Variants in FGF12 observed in about 807,000 individuals in gnomAD.
FGF12 encodes fibroblast growth factor 12.
Under a neutral mutation model 23.6 loss-of-function variants are expected in FGF12, and 14 were observed. The observed-to-expected ratio is 0.59, with a 90% CI of 0.39 to 0.93. The LOEUF (loss-of-function observed/expected upper bound fraction) is 0.93. Among genes scored for constraint, FGF12 ranks in the 40% least tolerant of loss-of-function variants. FGF12 has a pLI of 0.00. For missense variants in FGF12, 175 were observed against 217.8 expected, an observed-to-expected ratio of 0.80 and a Z score of 1.24; for synonymous variants, 62 against 77.3, an observed-to-expected ratio of 0.80 and a Z score of 1.04.
At chr3:192,389,990 C>A (rs1220084322) in intron 2 of FGF12, among the ~76,000 whole-genome samples, 1 of 152,232 alleles carries the variant, frequency 6.6e-6, no homozygotes, top group Admixed American at 6.5e-5. Context: ...GTCCTGTAGG[C>A]TGACTCATAG....
At chr3:192,279,291 G>T (rs1255449490) in intron 4 of FGF12, among the ~76,000 whole-genome samples, 1 of 146,472 alleles carries the variant, frequency 6.8e-6, no homozygotes, top group Non-Finnish European at 1.5e-5. Flanking sequence ...ATTTAACCTA[G>T]ACAGCCACTC....
chr3:192,360,974 A>C lies in FGF12; in HGVS notation c.14-436T>G, dbSNP rs2280674. ...TATCTCTGCAGGATGTCAGCTCTCC[A>C]TCAGAAGTTCCTGGGTTTTGAATTT... On this transcript the variant is annotated intron_variant, in intron 2 of 5. Coordinates refer to ENST00000445105, the MANE Select transcript of FGF12 (RefSeq NM_004113.6). The surrounding 1 kb of genome is among the most constrained non-coding windows in gnomAD (Gnocchi z 4.3). Among the ~76,000 whole-genome samples, 40,925 of 151,772 alleles carry C rather than the reference A, an allele frequency of 0.27. 6,574 individuals are homozygous for C. The highest frequency in any genetic ancestry group is 0.62 in the East Asian group (3,168 of 5,128).
At chr3:192,305,949 C>T (rs1371613926) in intron 4 of FGF12, among the ~76,000 whole-genome samples, 1 of 148,370 alleles carries the variant, frequency 6.7e-6, no homozygotes, top group Non-Finnish European at 1.5e-5. Flanking sequence ...CAAGCTCCAC[C>T]TCCCAGGTTC....
intron 2 of FGF12, among the ~76,000 whole-genome samples, chr3:192,637,275 G>T (rs980381054): frequency 6.6e-6 from 1 of 152,106 alleles, no homozygotes; most frequent in Admixed American, 6.5e-5. Flanking sequence ...GGCCACCGAC[G>T]TGCAGGCCGC....
chr3:192,290,026 C>G (rs995092722), intron 4 of FGF12, among the ~76,000 whole-genome samples: 7 of 152,156 alleles, frequency 4.6e-5, no homozygotes, highest in African/African-American at 1.7e-4. Flanking sequence ...GGAGTTAGAC[C>G]CAACTAATAT....
At chr3:192,152,474 C>T (rs1714113322) in intron 5 of FGF12, among the ~76,000 whole-genome samples, 1 of 149,388 alleles carries the variant, frequency 6.7e-6, no homozygotes, top group Non-Finnish European at 1.5e-5. Flanking sequence ...TCCCTCTACA[C>T]ACTGCTTTGA....
intron 2 of FGF12, among the ~76,000 whole-genome samples, chr3:192,525,444 CAG>C (rs1466678195): frequency 2.0e-5 from 3 of 152,184 alleles, no homozygotes; most frequent in Non-Finnish European, 4.4e-5. Flanking sequence ...TATCTCCAAT[CAG>C]AGAGTATTAC....
At chr3:192,556,929 A>G (rs1711804707) in intron 2 of FGF12, among the ~76,000 whole-genome samples, 1 of 152,130 alleles carries the variant, frequency 6.6e-6, no homozygotes, top group South Asian at 2.1e-4. Context: ...TGGAAACTAA[A>G]CAACACACCC....
At chr3:192,156,218 A>C (rs1714407223) in intron 5 of FGF12, among the ~76,000 whole-genome samples, 1 of 152,186 alleles carries the variant, frequency 6.6e-6, no homozygotes. Context: ...ACAAAGAAAC[A>C]GAAACTCCCT....
chr3:192,542,912 C>T (rs1725406692), intron 2 of FGF12, among the ~76,000 whole-genome samples: 1 of 152,142 alleles, frequency 6.6e-6, no homozygotes, highest in East Asian at 1.9e-4. Context: ...GACACAAATA[C>T]TCCTGTTGTC....
intron 2 of FGF12, among the ~76,000 whole-genome samples, chr3:192,410,055 G>T (rs1215907858): frequency 6.6e-6 from 1 of 151,772 alleles, no homozygotes; most frequent in African/African-American, 2.4e-5. Flanking sequence ...CGGGGCCCGG[G>T]CGAGAGCCAC....
chr3:192,646,933 A>C (rs888141176), intron 2 of FGF12, among the ~76,000 whole-genome samples: 3 of 152,136 alleles, frequency 2.0e-5, no homozygotes, highest in Non-Finnish European at 2.9e-5. Context: ...GTTAGTGTCA[A>C]TATATGACAC....
intron 2 of FGF12, among the ~76,000 whole-genome samples, chr3:192,502,515 T>C (rs1724160714): frequency 6.6e-6 from 1 of 152,210 alleles, no homozygotes; most frequent in Admixed American, 6.5e-5. Flanking sequence ...GTGTTTCTCA[T>C]CCAGTGTTTA....
intron 2 of FGF12, among the ~76,000 whole-genome samples, chr3:192,719,104 T>G (rs1391252386): frequency 6.6e-6 from 1 of 152,164 alleles, no homozygotes; most frequent in African/African-American, 2.4e-5. Flanking sequence ...ATAATCTAAG[T>G]AGTCTGTTAG....
rs376355080 is a variant in FGF12 at position 192,727,149 on chromosome 3, C to T, written c.13+32G>A. On this transcript the variant is annotated intron_variant, in intron 2 of 5. Coordinates refer to ENST00000445105, the MANE Select transcript of FGF12 (RefSeq NM_004113.6). ...TTGCCTTGGCCACACGCACATGCAG[C>T]GGGAAGTCCCCCGATAGGGACAACC... 12 of 1,569,232 alleles carry T rather than the reference C, an allele frequency of 7.6e-6. No homozygotes were observed. In the Admixed American group the frequency reaches 1.7e-4, roughly 22 times the overall value.
chr3:192,405,168 G>A lies in FGF12; in HGVS notation c.14-44630C>T, dbSNP rs111612645. ...TTTTGCTGCACAAAAAGGATCCAATGTGCACCCTGGCCCTGAAACTGTGTG... is the reference window on the plus strand; with the variant it reads ...TTTTGCTGCACAAAAAGGATCCAATATGCACCCTGGCCCTGAAACTGTGTG... On this transcript the variant is annotated intron_variant, in intron 2 of 5. Coordinates refer to ENST00000445105, the MANE Select transcript of FGF12 (RefSeq NM_004113.6). Among the ~76,000 whole-genome samples, 553 of 151,120 alleles carry A rather than the reference G, an allele frequency of 3.7e-3. 40 individuals are homozygous for A. The highest frequency in any genetic ancestry group is 0.013 in the African/African-American group (531 of 40,464).
At chr3:192,270,435 C>T (rs1713361074) in intron 4 of FGF12, among the ~76,000 whole-genome samples, 1 of 151,978 alleles carries the variant, frequency 6.6e-6, no homozygotes. Flanking sequence ...TATTACTGGG[C>T]AAAGTGAACT....
chr3:192,307,306 A>T (rs905124552), intron 4 of FGF12, among the ~76,000 whole-genome samples: 3 of 152,202 alleles, frequency 2.0e-5, no homozygotes, highest in Non-Finnish European at 4.4e-5. Flanking sequence ...ATGCCAGATA[A>T]AAAAGGCACA....
In FGF12 at chr3:192,158,394, TC is replaced by T. The variant is rs1194932538; in HGVS notation, c.427+12063del. On this transcript the variant is annotated intron_variant, in intron 5 of 5. Transcript: ENST00000445105. Reference sequence around the variant, plus strand: ...TCTTTCTTTCTTTCTTTTCTTTCTCTCTCTTTCTTTTTCTTTCTTTCTCTTT... The same window carrying T: ...TCTTTCTTTCTTTCTTTTCTTTCTCTTCTTTCTTTTTCTTTCTTTCTCTTT... Among the ~76,000 whole-genome samples the T allele has an allele frequency of 2.9e-3, 233 of 80,464 alleles. 4 individuals are homozygous for T. The highest frequency in any genetic ancestry group is 0.019 in the African/African-American group (229 of 12,178). The allele number at this position is 80,464 out of a possible 152,430, so 52.8% of individuals were successfully genotyped here.
Sources: allele counts gnomAD v4.1 joint callset (sites outside exome capture counted in the v4.1 genomes callset), GRCh38; gene constraint gnomAD v4.1.1; non-coding constraint Gnocchi (gnomAD v3.1); transcripts MANE v1.5; gene names NCBI Gene and HGNC (gene_info 2026-07-23, HGNC 2026-07-21).